ZYG11B: variants seen among roughly 807,000 people sequenced by gnomAD.
ZYG11B encodes protein zyg-11 homolog B.
ZYG11B carries 36 observed loss-of-function variants against 82.4 expected under a neutral mutation model. The observed-to-expected ratio is 0.44, with a 90% CI of 0.33 to 0.58. ZYG11B has a LOEUF of 0.58. Among genes scored for constraint, ZYG11B ranks in the 20% least tolerant of loss-of-function variants. The pLI is 0.02. For missense variants in ZYG11B, 552 were observed against 895.6 expected, an observed-to-expected ratio of 0.62 and a Z score of 4.90; for synonymous variants, 303 against 312.8, an observed-to-expected ratio of 0.97 and a Z score of 0.33.
At chr1:52,766,631 A>G (rs1399204601) in intron 2 of ZYG11B, among the ~76,000 whole-genome samples, 1 of 152,010 alleles carries the variant, frequency 6.6e-6, no homozygotes, top group African/African-American at 2.4e-5. Flanking sequence ...TTTCTGTTTT[A>G]GTTTGAGTCA....
intron 1 of ZYG11B, among the ~76,000 whole-genome samples, chr1:52,740,508 A>C (rs1394513039): frequency 6.6e-6 from 1 of 151,674 alleles, no homozygotes; most frequent in Non-Finnish European, 1.5e-5. Flanking sequence ...CAATATCTCC[A>C]TACCCTTAAA....
intron 3 of ZYG11B, among the ~76,000 whole-genome samples, chr1:52,777,219 G>GA (rs1049624412): frequency 1.2e-4 from 18 of 151,242 alleles, no homozygotes; most frequent in Admixed American, 3.3e-4. Context: ...CAAAAAAAAG[G>GA]AAAAAAAAGA....
intron 1 of ZYG11B, among the ~76,000 whole-genome samples, chr1:52,743,680 G>T (rs904385998): frequency 1.3e-5 from 2 of 151,992 alleles, no homozygotes; most frequent in African/African-American, 4.8e-5. Context: ...TCACACTACT[G>T]TACTCCAGCC....
chr1:52,811,996 A>C (rs1156425793), intron 10 of ZYG11B, among the ~76,000 whole-genome samples: 3 of 151,666 alleles, frequency 2.0e-5, no homozygotes, highest in African/African-American at 4.8e-5. Context: ...GCGCCACTGC[A>C]CTCCAGCCTG....
chr1:52,774,088 A>G (rs1644782716), intron 3 of ZYG11B, among the ~76,000 whole-genome samples: 1 of 151,972 alleles, frequency 6.6e-6, no homozygotes, highest in Non-Finnish European at 1.5e-5. Context: ...TTTAAAGCTT[A>G]GATGATTGCA....
At chr1:52,778,807 T>A (rs1279527261) in intron 3 of ZYG11B, among the ~76,000 whole-genome samples, 2 of 152,158 alleles carry the variant, frequency 1.3e-5, no homozygotes, top group African/African-American at 2.4e-5. Flanking sequence ...ATGTTGGGAA[T>A]CCCTAGAAAG....
chr1:52,819,331 G>A (rs1471233580), intron 13 of ZYG11B, among the ~76,000 whole-genome samples: 1 of 151,912 alleles, frequency 6.6e-6, no homozygotes, highest in Admixed American at 6.6e-5. Flanking sequence ...CCCTAAAGTC[G>A]TTTTCTTTTT....
At chr1:52,741,828 A>G (rs1419016496) in intron 1 of ZYG11B, among the ~76,000 whole-genome samples, 1 of 152,134 alleles carries the variant, frequency 6.6e-6, no homozygotes, top group Admixed American at 6.6e-5. Flanking sequence ...TTTTACAATC[A>G]TGAAACTGAG....
At chr1:52,730,662 A>G (rs1644323289) in intron 1 of ZYG11B, among the ~76,000 whole-genome samples, 1 of 151,980 alleles carries the variant, frequency 6.6e-6, no homozygotes, top group African/African-American at 2.4e-5. Flanking sequence ...AAGAGTTTTA[A>G]TATATCTTGA....
intron 1 of ZYG11B, among the ~76,000 whole-genome samples, chr1:52,750,273 AT>A (rs35418497): frequency 0.6 from 78,753 of 132,142 alleles, 24,177 homozygotes; most frequent in East Asian, 0.96. Flanking sequence ...CCCAGCAACT[AT>A]TTTTTTTTTT....
intron 2 of ZYG11B, among the ~76,000 whole-genome samples, chr1:52,763,911 A>G (rs1179257386): frequency 2.0e-5 from 3 of 152,312 alleles, no homozygotes; most frequent in East Asian, 1.9e-4. Context: ...TGACTAGCCA[A>G]ATAGACTTTC....
At chr1:52,761,051 CT>C (rs1644626267) in intron 2 of ZYG11B, among the ~76,000 whole-genome samples, 1 of 152,172 alleles carries the variant, frequency 6.6e-6, no homozygotes, top group Non-Finnish European at 1.5e-5. Flanking sequence ...GTGTGAACCA[CT>C]GTGCCTGGTG....
intron 13 of ZYG11B, among the ~76,000 whole-genome samples, chr1:52,820,588 C>T (rs1645274337): frequency 6.6e-6 from 1 of 151,514 alleles, no homozygotes; most frequent in Non-Finnish European, 1.5e-5. Context: ...GCAGAGGTTG[C>T]AGTGAGCCAA....
chr1:52,794,943 C>A (rs1171682292), intron 6 of ZYG11B, among the ~76,000 whole-genome samples: 1 of 152,196 alleles, frequency 6.6e-6, no homozygotes, highest in African/African-American at 2.4e-5. Context: ...TGTCCTTGCC[C>A]TCCTGGAGTT....
In ZYG11B at chr1:52,825,294, G is replaced by T. The variant is rs1426994828; in HGVS notation, c.*3665G>T. 6.6e-6 allele frequency: 1 copy of T among 151,934 alleles called. No individual in the cohort carries two copies. The highest frequency in any genetic ancestry group is 1.5e-5 in the Non-Finnish European group (1 of 68,012). The allele number at this position is 151,934 out of a possible 1,614,324, so 9.4% of individuals were successfully genotyped here. Reference sequence around the variant, plus strand: ...ATAAAATAAATCAAGTGGTATAAGGGATTAGTTTACCCTCAAGCCGATGAC... The same window carrying T: ...ATAAAATAAATCAAGTGGTATAAGGTATTAGTTTACCCTCAAGCCGATGAC... On this transcript the variant is annotated 3_prime_UTR_variant, in exon 14 of 14. Coordinates refer to ENST00000294353, the MANE Select transcript of ZYG11B (RefSeq NM_024646.3).
chr1:52,774,096 G>A (rs535335767), intron 3 of ZYG11B, among the ~76,000 whole-genome samples: 2 of 151,560 alleles, frequency 1.3e-5, no homozygotes, highest in African/African-American at 4.8e-5. Context: ...TTAGATGATT[G>A]CAGTGTCCAG....
At chr1:52,781,017 G>C (rs981053006) in intron 4 of ZYG11B, among the ~76,000 whole-genome samples, 1 of 151,302 alleles carries the variant, frequency 6.6e-6, no homozygotes, top group African/African-American at 2.4e-5. Context: ...GGTGGTGCAC[G>C]CCAGTAATCC....
chr1:52,738,723 G>C (rs1299882906), intron 1 of ZYG11B, among the ~76,000 whole-genome samples: 4 of 151,052 alleles, frequency 2.6e-5, no homozygotes, highest in Non-Finnish European at 4.4e-5. Context: ...AAGTTCAAGT[G>C]ATTCTCCTGT....
At chr1:52,791,651 G>A (rs1288370246) in intron 6 of ZYG11B, among the ~76,000 whole-genome samples, 1 of 152,196 alleles carries the variant, frequency 6.6e-6, no homozygotes, top group Non-Finnish European at 1.5e-5. Flanking sequence ...TTACAGGCAT[G>A]AGCCACTGCG....
Sources: gnomAD v4.1 joint callset for allele counts (sites outside exome capture counted in the v4.1 genomes callset) on GRCh38, gnomAD v4.1.1 for gene constraint, MANE v1.5 for transcripts, NCBI Gene and HGNC (gene_info 2026-07-23, HGNC 2026-07-21) for gene names.